Variants in TRAM1 observed in about 807,000 individuals in gnomAD.
TRAM1 encodes the protein translocating chain-associated membrane protein 1.
Under a neutral mutation model 48.7 loss-of-function variants are expected in TRAM1, and 17 were observed. The observed-to-expected ratio is 0.35, with a 90% CI of 0.24 to 0.52. The LOEUF (loss-of-function observed/expected upper bound fraction) is 0.52. Among genes scored for constraint, TRAM1 ranks in the 20% least tolerant of loss-of-function variants. The pLI, the probability that TRAM1 is intolerant of heterozygous loss-of-function variation, is 0.94. For missense variants in TRAM1, 351 were observed against 441.5 expected, an observed-to-expected ratio of 0.79 and a Z score of 1.84; for synonymous variants, 182 against 154.0, an observed-to-expected ratio of 1.18 and a Z score of -1.34.
intron 5 of TRAM1, among the ~76,000 whole-genome samples, chr8:70,595,001 C>T: frequency 6.6e-6 from 1 of 150,498 alleles, no homozygotes; most frequent in Admixed American, 6.6e-5. Flanking sequence ...TTAATAATCA[C>T]CTGAAACTGG....
rs1346877477 is a variant in TRAM1, at chr8:70,574,682, CAAAAT to C, written c.*245_*249del. Reference sequence around the variant, plus strand: ...TTAGAAAAATGTTCAAAAATAAAAACAAAATAAAATATGGTGGTGGTCCCTAAACT... The same window carrying C: ...TTAGAAAAATGTTCAAAAATAAAAACAAAATATGGTGGTGGTCCCTAAACT... On this transcript the variant is annotated 3_prime_UTR_variant, in exon 11 of 11. Transcript: ENST00000262213. 2 of 306,086 alleles carry C rather than the reference CAAAAT, an allele frequency of 6.5e-6. No individual in the cohort carries two copies. Among genetic ancestry groups the C allele is most frequent in the Non-Finnish European group, 1.2e-5 (2 of 168,554 alleles). 19.0% of individuals were successfully genotyped at this position (306,086 alleles called of 1,614,324 possible).
intron 10 of TRAM1, among the ~76,000 whole-genome samples, chr8:70,579,936 C>T (rs1817040164): frequency 6.6e-6 from 1 of 152,076 alleles, no homozygotes; most frequent in Non-Finnish European, 1.5e-5. Context: ...AGACTTTTTT[C>T]AGTACCTGGA....
chr8:70,602,895 G>A (rs1376332824), intron 1 of TRAM1, among the ~76,000 whole-genome samples: 2 of 152,178 alleles, frequency 1.3e-5, no homozygotes, highest in Non-Finnish European at 2.9e-5. Context: ...CTTGGACTAG[G>A]TAGAGCACTG....
chr8:70,586,497 C>T (rs1363706021), intron 8 of TRAM1, among the ~76,000 whole-genome samples: 1 of 152,020 alleles, frequency 6.6e-6, no homozygotes, highest in African/African-American at 2.4e-5. Flanking sequence ...CAAGTTACAC[C>T]TCTCCAATTC....
Position 70,583,820 on chromosome 8 carries a change from T to C in TRAM1, c.747-27A>G, listed in dbSNP as rs751445264. The C allele has an allele frequency of 2.0e-6, 3 of 1,522,630 alleles. No homozygotes were observed. The East Asian group carries it at 7.3e-5, about 37-fold the overall frequency. The allele number at this position is 1,522,630 out of a possible 1,614,324, so 94.3% of individuals were successfully genotyped here. On this transcript the variant is annotated intron_variant, in intron 8 of 10. Transcript: ENST00000262213. ...TGCAAGAAAAAGGCCGTAAGTCAAA[T>C]TCCTGAAATCTCAAAAACAAGATTC...
At position 70,583,712 on chromosome 8, in the gene TRAM1, A is replaced by G; in HGVS notation, c.828T>C (p.Leu276=). The change falls in exon 9 of 11, where the codon CTT becomes CTC. Residue 276 remains leucine, a synonymous_variant. Transcript: ENST00000262213. The part of the protein sequence containing the change: ...ILSVLTVGFG[L]ARAENQKLDF... ...CCAGCTTCTGATTTTCTGCTCTTGC[A>G]AGGCCAAAACCAACAGTCAGTACTG... 1 of 1,613,386 alleles carries G rather than the reference A, an allele frequency of 6.2e-7. No homozygotes were observed. The highest frequency in any genetic ancestry group is 8.5e-7 in the Non-Finnish European group (1 of 1,179,782).
rs1816879268 is a variant in TRAM1 at position 70,573,904 on chromosome 8, T to C, written c.*1028A>G. The C allele has an allele frequency of 6.5e-6, 1 of 154,276 alleles. No homozygotes were observed. The highest frequency in any genetic ancestry group is 2.0e-4 in the South Asian group (1 of 5,040). 9.6% of individuals were successfully genotyped at this position (154,276 alleles called of 1,614,324 possible). A position where few individuals can be genotyped will look rare whatever the true frequency, so the allele number is the denominator to read the frequency against. ...CAAAAATATGTTTTATACAGATAAA[T>C]GTTTCTCAATTAAAGATGGGACCAA... On this transcript the variant is annotated 3_prime_UTR_variant, in exon 11 of 11. Coordinates refer to ENST00000262213, the MANE Select transcript of TRAM1 (RefSeq NM_014294.6).
Position 70,586,895 on chromosome 8 carries a change from C to A in TRAM1, c.746G>T (p.Gly249Val). 2 of 1,612,534 alleles carry A rather than the reference C, an allele frequency of 1.2e-6. No individual in the cohort carries two copies. Among genetic ancestry groups the A allele is most frequent in the South Asian group, 1.1e-5 (1 of 91,004 alleles). ...FYFSNEKYQKGFSLWAVLFVL... is the reference protein window; with the variant it reads ...FYFSNEKYQKVFSLWAVLFVL... Reference sequence around the variant, plus strand: ...GAAATAGAATGGCTAAACAACTTACCCTTTCTGATACTTTTCATTGCTAAA... The same window carrying A: ...GAAATAGAATGGCTAAACAACTTACACTTTCTGATACTTTTCATTGCTAAA... The change falls in exon 8 of 11, where the codon GGA becomes GTA. Residue 249 changes from glycine to valine, a missense_variant and splice_region_variant. Physicochemically the swap from Gly to Val is moderately radical, Grantham distance 109 (BLOSUM62 -3). Coordinates refer to ENST00000262213, the MANE Select transcript of TRAM1 (RefSeq NM_014294.6).
chr8:70,575,188 A>G (rs1816920004), intron 10 of TRAM1, among the ~76,000 whole-genome samples, 183 bp from the exon 11 acceptor site: 1 of 152,248 alleles, frequency 6.6e-6, no homozygotes, highest in Admixed American at 6.5e-5. Context: ...AACTGAAAGT[A>G]GCAAATTAAA....
chr8:70,576,947 G>A (rs560915638), intron 10 of TRAM1, among the ~76,000 whole-genome samples: 5 of 152,324 alleles, frequency 3.3e-5, no homozygotes, highest in African/African-American at 1.2e-4. Context: ...GTGAAGGTGA[G>A]ACTGACCCTG....
At chr8:70,587,445 T>C (rs1817249261) in intron 6 of TRAM1, 1 of 380,286 alleles carries the variant, frequency 2.6e-6, no homozygotes, top group Non-Finnish European at 4.8e-6. Context: ...TCATCCTCAA[T>C]TAGGTATATA....
chr8:70,574,981 G>T lies in TRAM1; in HGVS notation c.1076C>A (p.Thr359Asn). ...GTENGVNGTL[T>N]SNVADSPRNK... is the part of the protein sequence containing the mutation. The stretch of plus-strand genomic sequence containing the variant: ...CCGGGGAGAGTCTGCTACATTTGAA[G>T]TTAATGTTCCATTCACACCATTTTC... The change falls in exon 11 of 11, where the codon ACT (threonine) becomes AAT (asparagine). Residue 359 changes from threonine to asparagine, a missense_variant. Physicochemically the swap from Thr to Asn is moderately conservative, Grantham distance 65. Transcript: ENST00000262213. 1 of 1,610,300 alleles carries T rather than the reference G, an allele frequency of 6.2e-7. No homozygotes were observed. The highest frequency in any genetic ancestry group is 8.5e-7 in the Non-Finnish European group (1 of 1,178,512).
chr8:70,586,967 A>T lies in TRAM1; in HGVS notation c.674T>A (p.Leu225Gln). ...GAAAAGAAATTCAACAAAATAATGT[A>T]GCACCAGAAGAACAAGTCCTAGATG... ...LNHLGLVLLVLHYFVEFLFHI... is the reference protein window; with the variant it reads ...LNHLGLVLLVQHYFVEFLFHI... Residue 225 changes from leucine (L) to glutamine (Q), a missense_variant, in exon 8 of 11, where the codon CTA becomes CAA. Coordinates refer to ENST00000262213, the MANE Select transcript of TRAM1 (RefSeq NM_014294.6). The T allele has an allele frequency of 3.7e-6, 6 of 1,613,928 alleles. No individual in the cohort carries two copies. Among genetic ancestry groups the T allele is most frequent in the Non-Finnish European group, 5.1e-6 (6 of 1,179,908 alleles).
In TRAM1 at chr8:70,597,912, T is replaced by C. The variant is rs748245737; in HGVS notation, c.409A>G (p.Thr137Ala). Residue 137 changes from threonine to alanine, a missense_variant, in exon 4 of 11, where the codon ACA becomes GCA. Coordinates refer to ENST00000262213, the MANE Select transcript of TRAM1 (RefSeq NM_014294.6). ...ATACTTACAGAGATGAGAATGAATG[T>C]GCCCCAAACACAGGCAAAAAGGTAG... ...AFYLFACVWG[T>A]FILISENYIS... 5 of 1,597,080 alleles carry C rather than the reference T, an allele frequency of 3.1e-6. No homozygotes were observed. Among genetic ancestry groups the C allele is most frequent in the Admixed American group, 1.7e-5 (1 of 59,466 alleles).
chr8:70,590,974 T>C (rs1817342970), intron 6 of TRAM1, among the ~76,000 whole-genome samples: 1 of 151,034 alleles, frequency 6.6e-6, no homozygotes, highest in Admixed American at 6.6e-5. Flanking sequence ...AATTAATCTC[T>C]CTGTATAATG....
chr8:70,602,168 A>G (rs1817619214), intron 1 of TRAM1, among the ~76,000 whole-genome samples: 1 of 152,214 alleles, frequency 6.6e-6, no homozygotes, highest in Non-Finnish European at 1.5e-5. Context: ...GAGATGTGGG[A>G]GGAAAGAGAA....
intron 10 of TRAM1, among the ~76,000 whole-genome samples, chr8:70,577,477 A>T (rs1407215549): frequency 2.8e-4 from 43 of 152,222 alleles, no homozygotes; most frequent in Non-Finnish European, 1.5e-4. Context: ...GGACTCAGCC[A>T]GACTTGGGCA....
chr8:70,606,424 G>A (rs753873102), intron 1 of TRAM1, among the ~76,000 whole-genome samples: 1 of 152,164 alleles, frequency 6.6e-6, no homozygotes, highest in Non-Finnish European at 1.5e-5. Context: ...TCGAACTCCT[G>A]GGCTCCAGTG....
intron 1 of TRAM1, among the ~76,000 whole-genome samples, chr8:70,604,070 T>C (rs2132047911): frequency 6.6e-6 from 1 of 152,254 alleles, no homozygotes; most frequent in East Asian, 1.9e-4. Context: ...TATAATGCAC[T>C]CGAAAGTAAA....
Sources: allele counts gnomAD v4.1 joint callset (sites outside exome capture counted in the v4.1 genomes callset), GRCh38; gene constraint gnomAD v4.1.1; transcripts MANE v1.5; gene names NCBI Gene and HGNC (gene_info 2026-07-23, HGNC 2026-07-21).